The following OSBPL1A variants were observed in gnomAD, a reference collection of about 807,000 sequenced individuals.
OSBPL1A encodes oxysterol-binding protein-related protein 1.
In OSBPL1A, 80 loss-of-function variants were observed where a neutral mutation model predicts 137.1. The observed-to-expected ratio is 0.58, with a 90% CI of 0.49 to 0.70. The LOEUF is 0.70. OSBPL1A is among the 30% of genes least tolerant of loss of function. The pLI is 0.00. For missense variants in OSBPL1A, 970 were observed against 1,129.4 expected (o/e 0.86, Z 2.02); for synonymous variants, 365 against 389.7 (o/e 0.94, Z 0.75).
At chr18:24,397,588 C>T (rs780821117) in intron 1 of OSBPL1A, 67 bp downstream of exon 1, 1 of 152,240 alleles carries the variant, frequency 6.6e-6, no homozygotes, top group Non-Finnish European at 1.5e-5. Context: ...GAGCGCAGCC[C>T]GGCGGGAACC....
chr18:24,318,601 C>G lies in OSBPL1A; in HGVS notation c.732G>C (p.Lys244Asn), dbSNP rs773274611. 2 of 1,606,968 alleles carry G rather than the reference C, an allele frequency of 1.2e-6. No individual in the cohort carries two copies. The highest frequency in any genetic ancestry group is 2.7e-5 in the African/African-American group (2 of 74,462). The change falls in exon 9 of 28, where the codon AAG becomes AAC. Residue 244 changes from lysine to asparagine, a missense_variant and splice_region_variant. This residue lies in a region of OSBPL1A where 647 missense variants were observed against 672.6 expected (regional missense o/e 0.96). Transcript: ENST00000319481. ...TAATTAAAAAACCACCTCAACTTAC[C>G]TTCCAGAGAGGGCCCTCATATCGTT... ...ALKRYEGPLW[K>N]SSRFFGWRLF...
chr18:24,293,958 C>T (rs1209389056), intron 14 of OSBPL1A, among the ~76,000 whole-genome samples: 1 of 152,000 alleles, frequency 6.6e-6, no homozygotes, highest in African/African-American at 2.4e-5. Context: ...GACCAGGTGG[C>T]AACAGAGAAA....
Position 24,280,931 on chromosome 18 carries a change from G to A in OSBPL1A, c.1192C>T (p.Leu398Phe). ...DMAKEMLPSFLQKVEVVSEAS... is the reference protein window; with the variant it reads ...DMAKEMLPSFFQKVEVVSEAS... The stretch of plus-strand genomic sequence containing the variant: ...TCTGAGACAACTTCAACTTTCTGAA[G>A]AAATGATGGAAGCATTTCTATAAAG... The change falls in exon 15 of 28, where the codon CTT (leucine) becomes TTT (phenylalanine). Residue 398 changes from leucine to phenylalanine, a missense_variant. Leu to Phe is a conservative substitution (Grantham distance 22, BLOSUM62 0). Transcript: ENST00000319481. 6.2e-7 allele frequency: 1 copy of A among 1,601,986 alleles called. No individual in the cohort carries two copies.
rs1479429132 is a variant in OSBPL1A at position 24,317,422 on chromosome 18, T to C, written c.733-22A>G. Reference sequence around the variant, plus strand: ...AACTCTAAGGGAAAAATAACAAAGATTTCCCAAGCTGACACATCTAGATTC... The same window carrying C: ...AACTCTAAGGGAAAAATAACAAAGACTTCCCAAGCTGACACATCTAGATTC... On this transcript the variant is annotated intron_variant, in intron 9 of 27. Transcript: ENST00000319481. The C allele has an allele frequency of 1.9e-6, 3 of 1,577,628 alleles. No homozygotes were observed. In the African/African-American group the frequency reaches 4.1e-5, roughly 21 times the overall value.
Position 24,162,411 on chromosome 18 carries a change from A to G in OSBPL1A, c.*768T>C, listed in dbSNP as rs1397880117. ...CATTTAACAAGGTTTGTCATTATGT[A>G]ATGGTGATTAAAATCTATATTTCTA... On this transcript the variant is annotated 3_prime_UTR_variant, in exon 28 of 28. Coordinates refer to ENST00000319481, the MANE Select transcript of OSBPL1A (RefSeq NM_080597.4). 4 of 152,260 alleles carry G rather than the reference A, an allele frequency of 2.6e-5. No individual in the cohort carries two copies. Among genetic ancestry groups the G allele is most frequent in the African/African-American group, 9.6e-5 (4 of 41,478 alleles). The allele number at this position is 152,260 out of a possible 1,614,324, so 9.4% of individuals were successfully genotyped here.
intron 17 of OSBPL1A, among the ~76,000 whole-genome samples, chr18:24,199,141 G>T (rs555317918): frequency 6.6e-6 from 1 of 152,198 alleles, no homozygotes; most frequent in South Asian, 2.1e-4. Flanking sequence ...TTACAGGTGT[G>T]AGCCACCACA....
intron 17 of OSBPL1A, among the ~76,000 whole-genome samples, chr18:24,209,928 T>C (rs1425790504): frequency 6.6e-6 from 1 of 152,338 alleles, no homozygotes; most frequent in African/African-American, 2.4e-5. Context: ...GTTCCACATC[T>C]TGAATGGGAT....
At chr18:24,357,477 T>C (rs1314686607) in intron 4 of OSBPL1A, 1 of 152,178 alleles carries the variant, frequency 6.6e-6, no homozygotes, top group Non-Finnish European at 1.5e-5. Flanking sequence ...CACTTTGCAT[T>C]GCTCACTAGG....
intron 1 of OSBPL1A, among the ~76,000 whole-genome samples, chr18:24,382,883 A>T (rs889600162): frequency 5.9e-5 from 9 of 152,176 alleles, no homozygotes; most frequent in Admixed American, 2.6e-4. Context: ...CAAAAAAAAT[A>T]GTAAATGAAA....
intron 18 of OSBPL1A, among the ~76,000 whole-genome samples, chr18:24,194,502 A>G (rs920555526): frequency 1.3e-5 from 2 of 152,206 alleles, no homozygotes; most frequent in Admixed American, 1.3e-4. Context: ...AATAAATACT[A>G]ATTTTTATCT....
chr18:24,364,948 G>A (rs2957244), intron 4 of OSBPL1A: 2 of 151,196 alleles, frequency 1.3e-5, no homozygotes, highest in African/African-American at 2.4e-5. Flanking sequence ...GGGAGGCGGA[G>A]GCTGCAGTGA....
At chr18:24,359,686 AAAT>A (rs1240429857) in intron 4 of OSBPL1A, among the ~76,000 whole-genome samples, 1 of 151,030 alleles carries the variant, frequency 6.6e-6, no homozygotes. Context: ...CTAAATAAAT[AAAT>A]AAAAATTAAA....
chr18:24,342,991 T>C (rs2091295303), intron 4 of OSBPL1A, among the ~76,000 whole-genome samples: 1 of 152,052 alleles, frequency 6.6e-6, no homozygotes, highest in Admixed American at 6.6e-5. Context: ...AGGTAACATT[T>C]TGGGGCTCAT....
chr18:24,379,532 A>C (rs1906433010), intron 1 of OSBPL1A, among the ~76,000 whole-genome samples: 1 of 150,858 alleles, frequency 6.6e-6, no homozygotes, highest in East Asian at 2.0e-4. Context: ...AAAAAAAAAA[A>C]AGAATGTTAA....
intron 18 of OSBPL1A, among the ~76,000 whole-genome samples, chr18:24,186,363 T>C (rs1350960824): frequency 6.6e-6 from 1 of 152,158 alleles, no homozygotes; most frequent in Non-Finnish European, 1.5e-5. Flanking sequence ...TCATTCTAAA[T>C]AAATATTCAC....
chr18:24,325,491 A>T (rs1260340724), intron 7 of OSBPL1A, among the ~76,000 whole-genome samples: 2 of 152,050 alleles, frequency 1.3e-5, no homozygotes, highest in East Asian at 3.9e-4. Flanking sequence ...CTCAGGGTTC[A>T]CTCCTGTACT....
chr18:24,196,431 G>A (rs1418979910), intron 17 of OSBPL1A, among the ~76,000 whole-genome samples: 1 of 152,168 alleles, frequency 6.6e-6, no homozygotes, highest in Non-Finnish European at 1.5e-5. Flanking sequence ...CTTCAGCATT[G>A]CTCTGATCTG....
intron 15 of OSBPL1A, among the ~76,000 whole-genome samples, chr18:24,257,682 T>C (rs2089324243): frequency 6.6e-6 from 1 of 151,858 alleles, no homozygotes; most frequent in East Asian, 1.9e-4. Flanking sequence ...ATCAACAAAA[T>C]GAAGAGACAA....
At chr18:24,249,204 C>A (rs2088995034) in intron 15 of OSBPL1A, among the ~76,000 whole-genome samples, 1 of 152,192 alleles carries the variant, frequency 6.6e-6, no homozygotes, top group South Asian at 2.1e-4. Context: ...AGTTTACAAT[C>A]CAGAAGTCGC....
Sources: gnomAD v4.1 joint callset for allele counts (sites outside exome capture counted in the v4.1 genomes callset) on GRCh38, gnomAD v4.1.1 for gene constraint, gnomAD v4.1.1 regional missense constraint, MANE v1.5 for transcripts, NCBI Gene and HGNC (gene_info 2026-07-23, HGNC 2026-07-21) for gene names.